MAK: variants seen among roughly 807,000 people sequenced by gnomAD.
The protein encoded by MAK is male germ cell associated kinase, also known as serine/threonine-protein kinase MAK.
Under a neutral mutation model 82.6 loss-of-function variants are expected in MAK, and 65 were observed. The ratio of observed to expected loss-of-function variants is 0.79; its 90% CI spans 0.64 to 0.97. The LOEUF (loss-of-function observed/expected upper bound fraction) is 0.97, where lower values mean the gene tolerates loss of function less well. Among genes scored for constraint, MAK ranks in the 50% least tolerant of loss-of-function variants. The pLI, the probability that MAK is intolerant of heterozygous loss-of-function variation, is 0.00. For synonymous variants in MAK, 250 were observed against 274.2 expected (o/e 0.91, Z 0.87); for missense variants, 703 against 780.2 (o/e 0.90, Z 1.18).
chr6:10,803,581 A>G, intron 7 of MAK, 139 bp downstream of exon 7: 7 of 683,122 alleles, frequency 1.0e-5, no homozygotes, highest in Non-Finnish European at 1.7e-5. Context: ...ATTAATCATT[A>G]AAGTATGAGC....
rs374988421 is a variant in MAK, at chr6:10,831,120, T to C, written c.-229-243A>G. On this transcript the variant is annotated intron_variant, in intron 1 of 14. Coordinates refer to ENST00000354489, the MANE Select transcript of MAK (RefSeq NM_001242957.3). ...TTATGTTCAATAATGGCATAATGGCTTGTATGATTCCTTTTTTACTAAATA... is the reference window on the plus strand; with the variant it reads ...TTATGTTCAATAATGGCATAATGGCCTGTATGATTCCTTTTTTACTAAATA... 1.7e-3 allele frequency among the ~76,000 whole-genome samples: 253 copies of C among 152,326 alleles called. 10 individuals are homozygous for C. In the South Asian group the frequency reaches 0.049, roughly 30 times the overall value.
chr6:10,787,719 A>C (rs1774701845), intron 10 of MAK, among the ~76,000 whole-genome samples: 1 of 151,432 alleles, frequency 6.6e-6, no homozygotes. Flanking sequence ...AAATTAGCCG[A>C]GTGTGGTGGT....
chr6:10,772,925 A>T (rs759007711), intron 13 of MAK, 109 bp downstream of exon 13: 2 of 715,104 alleles, frequency 2.8e-6, no homozygotes, highest in Non-Finnish European at 4.9e-6. Context: ...TGACTTCTCA[A>T]AGCGGATCAT....
intron 2 of MAK, among the ~76,000 whole-genome samples, chr6:10,824,712 C>T (rs1340528358): frequency 6.6e-6 from 1 of 152,172 alleles, no homozygotes; most frequent in Non-Finnish European, 1.5e-5. Context: ...CTGGGCAACC[C>T]CTTTGTGGCT....
chr6:10,771,835 T>C (rs1773047447), intron 13 of MAK, among the ~76,000 whole-genome samples: 1 of 152,246 alleles, frequency 6.6e-6, no homozygotes, highest in Non-Finnish European at 1.5e-5. Context: ...TCTCAGAAAC[T>C]CATTCTGAAA....
chr6:10,802,083 A>T (rs368355745), intron 7 of MAK, 24 bp from the exon 8 acceptor site: 2 of 1,606,282 alleles, frequency 1.2e-6, no homozygotes, highest in Non-Finnish European at 1.7e-6. Context: ...ATATAAGTGC[A>T]GGTGGGGAGG....
chr6:10,815,911 A>AATATATATAT lies in MAK; in HGVS notation c.278+1938_278+1939insATATATATAT, dbSNP rs1561991497. Among the ~76,000 whole-genome samples, 5 of 78,180 alleles carry AATATATATAT rather than the reference A, an allele frequency of 6.4e-5. No individual in the cohort carries two copies. The South Asian group carries it at 1.2e-3, about 19-fold the overall frequency. The allele number at this position is 78,180 out of a possible 152,430, so 51.3% of individuals were successfully genotyped here. A position where few individuals can be genotyped will look rare whatever the true frequency, so the allele number is the denominator to read the frequency against. On this transcript the variant is annotated intron_variant, in intron 4 of 14. Transcript: ENST00000354489. The stretch of plus-strand genomic sequence containing the variant: ...GTACTGTATTAGTGTAGCTTTATAC[A>AATATATATAT]GTATATATATATATATATATATATA...
At position 10,788,191 on chromosome 6, in the gene MAK, C is replaced by T. The variant is rs1187974232; in HGVS notation, c.1316+3484G>A. On this transcript the variant is annotated intron_variant, in intron 10 of 14. Coordinates refer to ENST00000354489, the MANE Select transcript of MAK (RefSeq NM_001242957.3). Reference sequence around the variant, plus strand: ...TTTTTTTGTAGAGATGGAGTTTTGCCATATTGCCCAGGCTGGTCTCAAACT... The same window carrying T: ...TTTTTTTGTAGAGATGGAGTTTTGCTATATTGCCCAGGCTGGTCTCAAACT... 5.3e-5 allele frequency among the ~76,000 whole-genome samples: 8 copies of T among 151,372 alleles called. No individual in the cohort carries two copies. In the East Asian group the frequency reaches 5.9e-4, roughly 11 times the overall value.
At chr6:10,782,071 G>T (rs1442026817) in intron 11 of MAK, among the ~76,000 whole-genome samples, 1 of 152,050 alleles carries the variant, frequency 6.6e-6, no homozygotes, top group African/African-American at 2.4e-5. Context: ...GCCGGGTGTG[G>T]TGGTGAGCGC....
Position 10,808,702 on chromosome 6 carries a change from T to A in MAK, c.491+108A>T. Reference sequence around the variant, plus strand: ...CTTTAAAGAATATAAAATTCAATTCTGTGTTTTAAATATTCAATATGGAAC... The same window carrying A: ...CTTTAAAGAATATAAAATTCAATTCAGTGTTTTAAATATTCAATATGGAAC... On this transcript the variant is annotated intron_variant, in intron 6 of 14. Coordinates refer to ENST00000354489, the MANE Select transcript of MAK (RefSeq NM_001242957.3). The A allele has an allele frequency of 2.8e-6, 3 of 1,085,144 alleles. No individual in the cohort carries two copies. The South Asian group carries it at 3.8e-5, about 14-fold the overall frequency. The allele number at this position is 1,085,144 out of a possible 1,614,324, so 67.2% of individuals were successfully genotyped here. A position where few individuals can be genotyped will look rare whatever the true frequency, so the allele number is the denominator to read the frequency against.
intron 9 of MAK, among the ~76,000 whole-genome samples, chr6:10,792,636 G>A (rs997806234): frequency 6.6e-6 from 1 of 152,066 alleles, no homozygotes; most frequent in Non-Finnish European, 1.5e-5. Context: ...GTGGTTTGGG[G>A]GCACATAAAC....
At chr6:10,798,329 G>A (rs1353423716) in intron 8 of MAK, among the ~76,000 whole-genome samples, 4 of 151,766 alleles carry the variant, frequency 2.6e-5, no homozygotes, top group African/African-American at 9.7e-5. Context: ...TGGTCAGGCC[G>A]GTCTCAAGCT....
intron 3 of MAK, 42 bp downstream of exon 3, chr6:10,818,844 T>C (rs773453916): frequency 1.9e-6 from 2 of 1,033,542 alleles, no homozygotes; most frequent in African/African-American, 1.6e-5. Flanking sequence ...CCTCAGGTAG[T>C]GTTAAGGCCT....
intron 14 of MAK, 29 bp from the exon 15 acceptor site, chr6:10,764,635 G>GTTTT: frequency 3.1e-6 from 5 of 1,605,408 alleles, no homozygotes; most frequent in Non-Finnish European, 4.3e-6. Context: ...GGAAAACAGG[G>GTTTT]TTTTACTCAT....
intron 8 of MAK, chr6:10,797,823 A>C (rs1009122937): frequency 2.3e-6 from 3 of 1,282,336 alleles, no homozygotes; most frequent in Non-Finnish European, 3.0e-6. Context: ...TCTACAACTT[A>C]ACCAACCTCT....
chr6:10,803,956 A>G lies in MAK; in HGVS notation c.492-65T>C. 6 of 1,354,042 alleles carry G rather than the reference A, an allele frequency of 4.4e-6. No homozygotes were observed. The South Asian group carries it at 5.9e-5, about 13-fold the overall frequency. The allele number at this position is 1,354,042 out of a possible 1,614,324, so 83.9% of individuals were successfully genotyped here. On this transcript the variant is annotated intron_variant, in intron 6 of 14. Coordinates refer to ENST00000354489, the MANE Select transcript of MAK (RefSeq NM_001242957.3). ...ATTTCAAAGGTGGATGGGCAGTAGC[A>G]TTCTACGCTGTGTGGTCATGCATTT...
intron 14 of MAK, among the ~76,000 whole-genome samples, chr6:10,768,931 C>T (rs959265136): frequency 3.3e-5 from 5 of 152,268 alleles, no homozygotes; most frequent in South Asian, 2.1e-4. Context: ...AACTACAGGC[C>T]GGGCATAGTG....
rs1442343573 is a variant in MAK, at chr6:10,800,567, C to T, written c.831+1325G>A. Among the ~76,000 whole-genome samples the T allele has an allele frequency of 5.3e-5, 8 of 151,728 alleles. No individual in the cohort carries two copies. The highest frequency in any genetic ancestry group is 3.3e-4 in the Admixed American group (5 of 15,228). On this transcript the variant is annotated intron_variant, in intron 8 of 14. Transcript: ENST00000354489. The surrounding 1 kb of genome is among the most constrained non-coding windows in gnomAD (Gnocchi z 4.2). ...TTGAAAATGTAATCCTGGTCGGGCG[C>T]GGTGGCTCACACCTGTAATCCCAGC... is the stretch of plus-strand genomic sequence containing the variant.
intron 5 of MAK, 92 bp from the exon 6 acceptor site, chr6:10,809,034 C>T (rs1355059234): frequency 1.8e-6 from 2 of 1,142,412 alleles, no homozygotes; most frequent in Non-Finnish European, 2.6e-6. Context: ...AATGAACCCC[C>T]TCTTTTATAA....
Sources: gnomAD v4.1 joint callset for allele counts (sites outside exome capture counted in the v4.1 genomes callset) on GRCh38, gnomAD v4.1.1 for gene constraint, Gnocchi (gnomAD v3.1) non-coding constraint, MANE v1.5 for transcripts, NCBI Gene and HGNC (gene_info 2026-07-23, HGNC 2026-07-21) for gene names.